CREBBP: variants seen among roughly 807,000 people sequenced by gnomAD.
The protein encoded by CREBBP is CREB binding lysine acetyltransferase.
A neutral mutation model predicts 265.0 loss-of-function variants in CREBBP; 19 were observed. The ratio of observed to expected loss-of-function variants is 0.07; its 90% CI spans 0.05 to 0.11. The LOEUF (loss-of-function observed/expected upper bound fraction) is 0.11. CREBBP is among the 10% of genes least tolerant of loss of function. CREBBP has a pLI of 1.00. For missense variants in CREBBP, 2,525 were observed against 3,219.0 expected, an observed-to-expected ratio of 0.78 and a Z score of 5.22; for synonymous variants, 1,457 against 1,223.7, an observed-to-expected ratio of 1.19 and a Z score of -3.98.
chr16:3,848,463 T>C (rs2054715109), intron 2 of CREBBP, among the ~76,000 whole-genome samples: 2 of 152,212 alleles, frequency 1.3e-5, no homozygotes, highest in East Asian at 1.9e-4. Flanking sequence ...TCTAGTTTTC[T>C]AGTTACTTTG....
At chr16:3,768,148 T>G (rs1234227100) in intron 15 of CREBBP, among the ~76,000 whole-genome samples, 4 of 110,942 alleles carry the variant, frequency 3.6e-5, no homozygotes, top group Non-Finnish European at 5.4e-5. Flanking sequence ...TTTTTTTTTT[T>G]TTTTTTTTTT....
chr16:3,731,645 T>G lies in CREBBP; in HGVS notation c.4890+131A>C. On this transcript the variant is annotated intron_variant, in intron 29 of 30. Coordinates refer to ENST00000262367, the MANE Select transcript of CREBBP (RefSeq NM_004380.3). This position sits in a 1 kb window ranked among gnomAD's most constrained non-coding sequence, Gnocchi z 7.7. The stretch of plus-strand genomic sequence containing the variant: ...GACACGTTGCATGATGTCACCCAAC[T>G]GGTCCACTTGGTTTCCTGGGGGCCA... The G allele has an allele frequency of 7.0e-7, 1 of 1,433,500 alleles. No homozygotes were observed. Among genetic ancestry groups the G allele is most frequent in the Non-Finnish European group, 9.8e-7 (1 of 1,022,554 alleles). 88.8% of individuals were successfully genotyped at this position (1,433,500 alleles called of 1,614,324 possible).
chr16:3,818,465 G>A (rs1489861797), intron 2 of CREBBP, among the ~76,000 whole-genome samples: 5 of 152,060 alleles, frequency 3.3e-5, no homozygotes, highest in South Asian at 4.1e-4. Context: ...GTGCCACCAC[G>A]CCTGGCTAAT....
At chr16:3,740,746 C>A in intron 23 of CREBBP, 197 bp from the exon 24 acceptor site, 1 of 691,902 alleles carries the variant, frequency 1.4e-6, no homozygotes, top group Non-Finnish European at 2.5e-6. Flanking sequence ...GGATCTCAGG[C>A]ACTCCACTCC....
chr16:3,782,080 G>A (rs563480318), intron 6 of CREBBP, among the ~76,000 whole-genome samples: 1 of 152,330 alleles, frequency 6.6e-6, no homozygotes, highest in African/African-American at 2.4e-5. Flanking sequence ...AATGTAAAGG[G>A]ACTGTGTCCA....
At chr16:3,861,118 G>C (rs930296529) in intron 1 of CREBBP, among the ~76,000 whole-genome samples, 1 of 151,866 alleles carries the variant, frequency 6.6e-6, no homozygotes, top group African/African-American at 2.4e-5. Flanking sequence ...TAAAAATACT[G>C]AAAATTACAA....
chr16:3,850,838 A>T lies in CREBBP; in HGVS notation c.257T>A (p.Ile86Lys). 1 of 1,613,998 alleles carries T rather than the reference A, an allele frequency of 6.2e-7. No individual in the cohort carries two copies. Among genetic ancestry groups the T allele is most frequent in the Non-Finnish European group, 8.5e-7 (1 of 1,179,992 alleles). Residue 86 changes from isoleucine (I) to lysine (K), a missense_variant, in exon 2 of 31, where the codon ATA (isoleucine) becomes AAA (lysine). Transcript: ENST00000262367. ...GGSGSSINPG[I>K]GNVSASSPVQ... ...GGGGCTGCTGGCGCTCACATTTCCT[A>T]TTCCTGGGTTGATACTAGAGCCGCT...
At position 3,793,528 on chromosome 16, in the gene CREBBP, C is replaced by T. The variant is rs1445906928; in HGVS notation, c.1074G>A (p.Leu358=). 6.2e-7 allele frequency: 1 copy of T among 1,614,034 alleles called. No individual in the cohort carries two copies. Among genetic ancestry groups the T allele is most frequent in the African/African-American group, 1.3e-5 (1 of 74,926 alleles). ...ACTTATGAGCATGAAGCAGTAGAAC[C>T]AGCTGCTGCTGTATCAGTTTGCGTT... ...PEKRKLIQQQ[L]VLLLHAHKCQ... is the part of the protein sequence containing the mutation. The change falls in exon 4 of 31, where the codon CTG becomes CTA. Residue 358 remains leucine (L), a synonymous_variant. Transcript: ENST00000262367.
rs1267131448 is a variant in CREBBP, at chr16:3,792,002, T to C, written c.1309A>G (p.Ser437Gly). 5.0e-6 allele frequency: 8 copies of C among 1,614,122 alleles called. No homozygotes were observed. Among genetic ancestry groups the C allele is most frequent in the Non-Finnish European group, 6.8e-6 (8 of 1,179,926 alleles). ...CPVCLPLKNA[S>G]DKRNQQTILG... ...TTACTTTGTTGGTTTCGCTTGTCAC[T>C]GGCATTTTTCAAAGGGAGGCAAACA... is the stretch of plus-strand genomic sequence containing the variant. The change falls in exon 5 of 31, where the codon AGT (serine) becomes GGT (glycine). Residue 437 changes from serine (S) to glycine (G), a missense_variant. Around this residue, in one of 19 missense-constraint regions of CREBBP, gnomAD observed 48 missense variants for 70.2 expected, o/e 0.68. Transcript: ENST00000262367.
In CREBBP at chr16:3,757,956, C is replaced by A. The variant is rs2052625445; in HGVS notation, c.3462G>T (p.Val1154=). ...TGTTGAACATGAGCCAGACGTCGTC[C>A]ACGTACTGCCAGGGCTCTTGGTATT... ...TGQYQEPWQY[V]DDVWLMFNNA... is the part of the protein sequence containing the mutation. The change falls in exon 18 of 31, where the codon GTG becomes GTT. Residue 1154 remains valine, a synonymous_variant. Coordinates refer to ENST00000262367, the MANE Select transcript of CREBBP (RefSeq NM_004380.3). 6.2e-7 allele frequency: 1 copy of A among 1,613,866 alleles called. No individual in the cohort carries two copies. Among genetic ancestry groups the A allele is most frequent in the Non-Finnish European group, 8.5e-7 (1 of 1,180,008 alleles).
chr16:3,761,688 C>A, intron 16 of CREBBP: 1 of 462,894 alleles, frequency 2.2e-6, no homozygotes. Flanking sequence ...GCACTCCCCA[C>A]GCACACGGTC....
At chr16:3,749,846 T>C (rs1212303226) in intron 20 of CREBBP, among the ~76,000 whole-genome samples, 163 bp from the exon 21 acceptor site, 5 of 152,134 alleles carry the variant, frequency 3.3e-5, no homozygotes, top group Admixed American at 6.5e-5. Context: ...GAACAGAAAA[T>C]TTAATTTCGT....
Position 3,850,797 on chromosome 16 carries a change from C to T in CREBBP, c.298G>A (p.Gly100Ser), listed in dbSNP as rs1292732731. 3 of 1,614,136 alleles carry T rather than the reference C, an allele frequency of 1.9e-6. No homozygotes were observed. The highest frequency in any genetic ancestry group is 3.3e-5 in the Admixed American group (2 of 60,028). Residue 100 changes from glycine (G) to serine (S), a missense_variant, in exon 2 of 31, where the codon GGT (glycine) becomes AGT (serine). Transcript: ENST00000262367. ...SASSPVQQGL[G>S]GQAQGQPNSA... Reference sequence around the variant, plus strand: ...TTCGGCTGCCCTTGAGCCTGGCCACCCAGGCCCTGCTGCACGGGGCTGCTG... The same window carrying T: ...TTCGGCTGCCCTTGAGCCTGGCCACTCAGGCCCTGCTGCACGGGGCTGCTG...
chr16:3,851,306 T>TAAAAAAAAAAAAAAAAAAAAAAAAAATA (rs1160251196), intron 1 of CREBBP, among the ~76,000 whole-genome samples: 1 of 76,490 alleles, frequency 1.3e-5, no homozygotes, highest in Non-Finnish European at 3.0e-5. Flanking sequence ...AAAAAAAAAT[T>TAAAAAAAAAAAAAAAAAAAAAAAAAATA]AAAAAAAAAA....
intron 3 of CREBBP, among the ~76,000 whole-genome samples, chr16:3,800,378 C>T (rs1179756087): frequency 2.0e-5 from 3 of 152,124 alleles, no homozygotes; most frequent in Admixed American, 1.3e-4. Context: ...CTTGGCCTCC[C>T]AAAGTGCTGG....
chr16:3,866,846 G>A (rs2055188496), intron 1 of CREBBP, among the ~76,000 whole-genome samples: 3 of 152,050 alleles, frequency 2.0e-5, no homozygotes, highest in Admixed American at 6.6e-5. Flanking sequence ...TTGATTCTCA[G>A]TCTTTTCTCC....
In CREBBP at chr16:3,774,659, G is replaced by A. The variant is rs746813014; in HGVS notation, c.2193C>T (p.Asn731=). 18 of 1,614,184 alleles carry A rather than the reference G, an allele frequency of 1.1e-5. No individual in the cohort carries two copies. The highest frequency in any genetic ancestry group is 3.3e-5 in the Admixed American group (2 of 60,032). The change falls in exon 12 of 31, where the codon AAC becomes AAT. Residue 731 remains asparagine, a synonymous_variant. Transcript: ENST00000262367. ...CCATGGGTGCTTGTGGCAACTGGAC[G>A]TTCCCCAAGGACATGGGGTTAAATG... ...MNSFNPMSLG[N]VQLPQAPMGP... is the part of the protein sequence containing the mutation.
At position 3,859,828 on chromosome 16, in the gene CREBBP, C is replaced by T. The variant is rs372221785; in HGVS notation, c.86-8819G>A. ...AAGGCTACATGGCCCTCTCACACGC[C>T]TTGCCCTATCACCTGATATTCAGTG... On this transcript the variant is annotated intron_variant, in intron 1 of 30. Coordinates refer to ENST00000262367, the MANE Select transcript of CREBBP (RefSeq NM_004380.3). 5.9e-5 allele frequency among the ~76,000 whole-genome samples: 9 copies of T among 152,340 alleles called. No individual in the cohort carries two copies. In the South Asian group the frequency reaches 1.2e-3, roughly 21 times the overall value.
At chr16:3,735,015 C>T (rs937073873) in intron 28 of CREBBP, among the ~76,000 whole-genome samples, 4 of 152,096 alleles carry the variant, frequency 2.6e-5, no homozygotes, top group South Asian at 2.1e-4. Flanking sequence ...CTTCAACGTT[C>T]GTCATCGCTC....
Sources: allele counts gnomAD v4.1 joint callset (sites outside exome capture counted in the v4.1 genomes callset), GRCh38; gene constraint gnomAD v4.1.1; regional missense constraint gnomAD v4.1.1; non-coding constraint Gnocchi (gnomAD v3.1); transcripts MANE v1.5; gene names NCBI Gene and HGNC (gene_info 2026-07-23, HGNC 2026-07-21).